The following RRP12 variants were observed in gnomAD, a reference collection of about 807,000 sequenced individuals.
The protein encoded by RRP12 is ribosomal RNA processing 12 homolog.
Under a neutral mutation model 157.3 loss-of-function variants are expected in RRP12, and 78 were observed. That is an observed-to-expected ratio of 0.50 (90% CI 0.41 to 0.60). RRP12 has a LOEUF of 0.60. Ranked by LOEUF, RRP12 falls within the 20% of genes least tolerant of loss-of-function variation. RRP12 has a pLI of 0.00. For missense variants in RRP12, 1,521 were observed against 1,679.9 expected (o/e 0.91, Z 1.65); for synonymous variants, 726 against 670.9 (o/e 1.08, Z -1.27).
chr10:97,388,427 G>A, intron 7 of RRP12, 48 bp from the exon 8 acceptor site: 1 of 1,612,954 alleles, frequency 6.2e-7, no homozygotes, highest in South Asian at 1.1e-5. Flanking sequence ...CCTACCGCAG[G>A]CCCTGTCCTG....
Position 97,385,167 on chromosome 10 carries a change from T to C in RRP12, c.1207A>G (p.Arg403Gly). 1 of 1,612,100 alleles carries C rather than the reference T, an allele frequency of 6.2e-7. No individual in the cohort carries two copies. Among genetic ancestry groups the C allele is most frequent in the Non-Finnish European group, 8.5e-7 (1 of 1,178,280 alleles). The change falls in exon 10 of 34, where the codon AGG becomes GGG. Residue 403 changes from arginine to glycine, a missense_variant and splice_region_variant. Coordinates refer to ENST00000370992, the MANE Select transcript of RRP12 (RefSeq NM_015179.4). ...TAAGCACCCCTCCTTCATCCGTACC[T>C]CACCAGGTTGATGTGGGCTTTCTCC... ...VMEKAHINLV[R>G]LQWDLGLGHL...
At chr10:97,377,352 A>C (rs1297220577) in intron 15 of RRP12, among the ~76,000 whole-genome samples, 1 of 151,858 alleles carries the variant, frequency 6.6e-6, no homozygotes, top group East Asian at 2.0e-4. Context: ...CCCCATCTGC[A>C]CTAAAAATAC....
At chr10:97,379,950 C>T (rs1467144670) in intron 13 of RRP12, among the ~76,000 whole-genome samples, 180 bp from the exon 14 acceptor site, 1 of 152,204 alleles carries the variant, frequency 6.6e-6, no homozygotes, top group Non-Finnish European at 1.5e-5. Flanking sequence ...TAGGATTTTA[C>T]AAAATTCTGT....
At chr10:97,370,832 T>C (rs1249950848) in intron 21 of RRP12, 36 bp from the exon 22 acceptor site, 5 of 1,610,850 alleles carry the variant, frequency 3.1e-6, no homozygotes, top group South Asian at 2.2e-5. Flanking sequence ...GACCCCTCAA[T>C]GCTACCTCCA....
At chr10:97,357,352 A>G (rs935625727) in intron 33 of RRP12, among the ~76,000 whole-genome samples, 156 bp from the exon 34 acceptor site, 4 of 152,172 alleles carry the variant, frequency 2.6e-5, no homozygotes, top group Non-Finnish European at 5.9e-5. Context: ...ACGTGGTTCC[A>G]GCTTCCACAC....
intron 8 of RRP12, among the ~76,000 whole-genome samples, chr10:97,387,708 AG>A (rs1362640810): frequency 2.0e-5 from 3 of 151,798 alleles, no homozygotes; most frequent in African/African-American, 4.8e-5. Context: ...TGGGAGGTTG[AG>A]GCGGGCAGAT....
In RRP12 at chr10:97,393,734, G is replaced by A. The variant is rs995388267; in HGVS notation, c.480C>T (p.Ser160=). ...ALMTTMEAVE[S]PESLAAVAYL... is the part of the protein sequence containing the mutation. ...AAGCAACGGCGGCCAGGGACTCCGGGGACTCCACTGCTTCCATTGTTGTCA... is the reference window on the plus strand; with the variant it reads ...AAGCAACGGCGGCCAGGGACTCCGGAGACTCCACTGCTTCCATTGTTGTCA... Residue 160 remains serine, a synonymous_variant, in exon 4 of 34, where the codon TCC becomes TCT. Coordinates refer to ENST00000370992, the MANE Select transcript of RRP12 (RefSeq NM_015179.4). 3 of 1,613,878 alleles carry A rather than the reference G, an allele frequency of 1.9e-6. No homozygotes were observed. Among genetic ancestry groups the A allele is most frequent in the South Asian group, 1.1e-5 (1 of 91,088 alleles).
intron 13 of RRP12, among the ~76,000 whole-genome samples, chr10:97,380,441 G>A (rs1468105600): frequency 1.3e-5 from 2 of 152,212 alleles, no homozygotes; most frequent in African/African-American, 2.4e-5. Flanking sequence ...ACCTCCGTGG[G>A]ACCTAGGGCT....
At chr10:97,386,058 A>G in intron 8 of RRP12, 65 bp from the exon 9 acceptor site, 4 of 1,066,402 alleles carry the variant, frequency 3.8e-6, no homozygotes, top group Non-Finnish European at 4.2e-6. Context: ...GGACCCCTCA[A>G]CTCCACCTGT....
intron 22 of RRP12, 30 bp downstream of exon 22, chr10:97,370,685 AC>A (rs747362306): frequency 2.5e-6 from 4 of 1,610,544 alleles, no homozygotes; most frequent in Non-Finnish European, 3.4e-6. Flanking sequence ...CATTCCAGGG[AC>A]CCCCCTCTAA....
Position 97,380,920 on chromosome 10 carries a change from A to C in RRP12, c.1419-7T>G. The C allele has an allele frequency of 6.2e-7, 1 of 1,611,264 alleles. No homozygotes were observed. Among genetic ancestry groups the C allele is most frequent in the South Asian group, 1.1e-5 (1 of 91,032 alleles). On this transcript the variant is annotated splice_region_variant and splice_polypyrimidine_tract_variant and intron_variant, in intron 12 of 33. Transcript: ENST00000370992. ...CAGGCCCTCCTCCACTGCCCTGCCA[A>C]GGGGGCGGCACAGTCAGGGCCACGG...
Position 97,370,541 on chromosome 10 carries a change from T to G in RRP12, c.2603A>C (p.Glu868Ala), listed in dbSNP as rs775238491. Residue 868 changes from glutamate to alanine, a missense_variant, in exon 23 of 34, where the codon GAG (glutamate) becomes GCG (alanine). Physicochemically the swap from Glu to Ala is moderately radical, Grantham distance 107. Coordinates refer to ENST00000370992, the MANE Select transcript of RRP12 (RefSeq NM_015179.4). ...GTTCTTCCGTGCGCCCACCGACACC[T>G]CCTTGGTGCACAGGATCACCTGGCC... ...LIPEVILCTK[E>A]VSVGARKNAF... 10 of 1,610,800 alleles carry G rather than the reference T, an allele frequency of 6.2e-6. No individual in the cohort carries two copies. The highest frequency in any genetic ancestry group is 1.7e-5 in the Admixed American group (1 of 59,352).
chr10:97,397,992 C>CATATATATACATATACAT (rs1564772333), intron 2 of RRP12, among the ~76,000 whole-genome samples: 1 of 42,792 alleles, frequency 2.3e-5, no homozygotes, highest in Non-Finnish European at 4.4e-5. Flanking sequence ...AAAAAAAATA[C>CATATATATACATATACAT]GTATATATAT....
intron 23 of RRP12, 29 bp downstream of exon 23, chr10:97,370,426 G>C: frequency 1.3e-6 from 2 of 1,519,528 alleles, no homozygotes; most frequent in Middle Eastern, 1.7e-4. Flanking sequence ...TATGAGCAGA[G>C]TGTCCACCCC....
At chr10:97,366,314 C>G in intron 28 of RRP12, 81 bp from the exon 29 acceptor site, 11 of 1,578,286 alleles carry the variant, frequency 7.0e-6, no homozygotes, top group Non-Finnish European at 9.5e-6. Context: ...AAGCCCGGCT[C>G]AGGGATCCCA....
chr10:97,365,840 G>T, intron 29 of RRP12: 1 of 370,704 alleles, frequency 2.7e-6, no homozygotes, highest in Non-Finnish European at 4.9e-6. Context: ...AAAAACAGAA[G>T]AGACTAACAG....
chr10:97,386,355 A>C lies in RRP12; in HGVS notation c.1018-362T>G, dbSNP rs552169993. Among the ~76,000 whole-genome samples, 7 of 148,022 alleles carry C rather than the reference A, an allele frequency of 4.7e-5. No homozygotes were observed. In the East Asian group the frequency reaches 1.0e-3, roughly 21 times the overall value. On this transcript the variant is annotated intron_variant, in intron 8 of 33. Coordinates refer to ENST00000370992, the MANE Select transcript of RRP12 (RefSeq NM_015179.4). ...CAGGTGCATGCCACTGTGCCTGGCCAATTTTTTAATTTTTATAAAGACAGA... is the reference window on the plus strand; with the variant it reads ...CAGGTGCATGCCACTGTGCCTGGCCCATTTTTTAATTTTTATAAAGACAGA...
At chr10:97,357,328 A>C in intron 33 of RRP12, 132 bp from the exon 34 acceptor site, 1 of 599,746 alleles carries the variant, frequency 1.7e-6, no homozygotes, top group East Asian at 2.9e-5. Context: ...CAGCACATGA[A>C]CTAGGCAGAC....
rs914370681 is a variant in RRP12, at chr10:97,364,951, C to T, written c.3518-1048G>A. ...CAGGAGATGGGAAAGTATACAGGGG[C>T]GAGAGAGGAGCAGAGAAGACACTAG... On this transcript the variant is annotated intron_variant, in intron 29 of 33. Transcript: ENST00000370992. Among the ~76,000 whole-genome samples the T allele has an allele frequency of 3.0e-4, 45 of 152,072 alleles. 1 individual carries two copies. The highest frequency in any genetic ancestry group is 1.3e-3 in the Admixed American group (20 of 15,264).
Sources: gnomAD v4.1 joint callset for allele counts (sites outside exome capture counted in the v4.1 genomes callset) on GRCh38, gnomAD v4.1.1 for gene constraint, MANE v1.5 for transcripts, NCBI Gene and HGNC (gene_info 2026-07-23, HGNC 2026-07-21) for gene names.